Variants in KANK1 observed in about 807,000 individuals in gnomAD.
The protein encoded by KANK1 is KN motif and ankyrin repeat domain-containing protein 1.
In KANK1, 109 loss-of-function variants were observed where a neutral mutation model predicts 106.2. The ratio of observed to expected loss-of-function variants is 1.03; its 90% CI spans 0.88 to 1.20. The LOEUF is 1.20. KANK1 is among the 50% of genes most tolerant of loss of function. The pLI, the probability that KANK1 is intolerant of heterozygous loss-of-function variation, is 0.00. For synonymous variants in KANK1, 873 were observed against 652.2 expected (o/e 1.34, Z -5.16); for missense variants, 2,399 against 1,710.7 (o/e 1.40, Z -7.10).
intron 1 of KANK1, among the ~76,000 whole-genome samples, chr9:594,013 A>G (rs16920708): frequency 0.013 from 2,032 of 151,916 alleles, 105 homozygotes; most frequent in African/African-American, 0.046. Flanking sequence ...TGGTTTTAGA[A>G]AGCATGCAGC....
chr9:494,994 A>G (rs1473749344), intron 3 of KANK1, among the ~76,000 whole-genome samples: 1 of 152,238 alleles, frequency 6.6e-6, no homozygotes, highest in African/African-American at 2.4e-5. Context: ...GTGAGCAAAT[A>G]CAAGGCTAAC....
At chr9:647,990 G>T (rs1372118196) in intron 1 of KANK1, among the ~76,000 whole-genome samples, 1 of 142,196 alleles carries the variant, frequency 7.0e-6, no homozygotes, top group Non-Finnish European at 1.5e-5. Flanking sequence ...CATTTCTGGG[G>T]GTTGTTATCT....
At chr9:729,476 G>T (rs1222043748) in intron 3 of KANK1, among the ~76,000 whole-genome samples, 3 of 152,220 alleles carry the variant, frequency 2.0e-5, no homozygotes, top group Non-Finnish European at 4.4e-5. Context: ...GAGGCATGCT[G>T]CCAGGAAACA....
chr9:658,665 C>T (rs561551219), intron 1 of KANK1, among the ~76,000 whole-genome samples: 4 of 151,930 alleles, frequency 2.6e-5, no homozygotes, highest in South Asian at 2.1e-4. Context: ...ATAAGACAGA[C>T]GGTTAAGAAG....
At chr9:556,841 G>C (rs888650363) in intron 1 of KANK1, among the ~76,000 whole-genome samples, 1 of 151,990 alleles carries the variant, frequency 6.6e-6, no homozygotes, top group East Asian at 1.9e-4. Flanking sequence ...ACTCACTTAG[G>C]GCTCATTCCT....
At chr9:608,028 A>ATTTTTTTTTTTTTTTTTT (rs1326986665) in intron 1 of KANK1, among the ~76,000 whole-genome samples, 1 of 84,386 alleles carries the variant, frequency 1.2e-5, no homozygotes, top group African/African-American at 4.7e-5. Flanking sequence ...TATTATTATT[A>ATTTTTTTTTTTTTTTTTT]TTATTATTTT....
At position 738,268 on chromosome 9, in the gene KANK1, A is replaced by T; in HGVS notation, c.3334-17A>T. 1 of 1,602,506 alleles carries T rather than the reference A, an allele frequency of 6.2e-7. No individual in the cohort carries two copies. The highest frequency in any genetic ancestry group is 1.1e-5 in the South Asian group (1 of 89,370). On this transcript the variant is annotated splice_polypyrimidine_tract_variant and intron_variant, in intron 7 of 11. Transcript: ENST00000382297. ...TCTATAAATAGAAGAACTAACGACC[A>T]CTTGGTGTTTTGGCAGAGGTTCTGT...
At chr9:664,787 C>T (rs1016847598) in intron 1 of KANK1, among the ~76,000 whole-genome samples, 12 of 152,178 alleles carry the variant, frequency 7.9e-5, no homozygotes, top group Non-Finnish European at 1.6e-4. Flanking sequence ...TTTACATTCC[C>T]ACCAACAATG....
chr9:558,163 T>C (rs765868484), intron 1 of KANK1, among the ~76,000 whole-genome samples: 2 of 152,070 alleles, frequency 1.3e-5, no homozygotes, highest in Non-Finnish European at 2.9e-5. Flanking sequence ...GGAAGGGCAT[T>C]AAGGAGGAGC....
chr9:631,695 G>A (rs547339351), intron 1 of KANK1, among the ~76,000 whole-genome samples: 1 of 152,150 alleles, frequency 6.6e-6, no homozygotes, highest in African/African-American at 2.4e-5. Context: ...CAACTGTTTA[G>A]CTTGGCATGC....
At position 740,901 on chromosome 9, in the gene KANK1, C is replaced by G. The variant is rs2296049; in HGVS notation, c.3663C>G (p.Phe1221Leu). 2 of 1,613,912 alleles carry G rather than the reference C, an allele frequency of 1.2e-6. No individual in the cohort carries two copies. Among genetic ancestry groups the G allele is most frequent in the Non-Finnish European group, 1.7e-6 (2 of 1,179,988 alleles). ...ACATGCGGATTGTGGAAGAACTCTT[C>G]GGCTGTGGGGATGTGAATGCCAAAG... ...EKDMRIVEEL[F>L]GCGDVNAKAS... The change falls in exon 9 of 12, where the codon TTC (phenylalanine) becomes TTG (leucine). Residue 1221 changes from phenylalanine to leucine, a missense_variant. By Grantham distance (22) the Phe-to-Leu change is conservative (BLOSUM62 0). Transcript: ENST00000382297.
chr9:681,458 C>G (rs1221963461), intron 2 of KANK1, among the ~76,000 whole-genome samples: 1 of 152,118 alleles, frequency 6.6e-6, no homozygotes, highest in African/African-American at 2.4e-5. Flanking sequence ...TGATTGATAC[C>G]TCTCTAAACA....
chr9:541,789 C>T (rs1279573187), intron 1 of KANK1, among the ~76,000 whole-genome samples: 7 of 152,010 alleles, frequency 4.6e-5, no homozygotes, highest in East Asian at 1.9e-4. Context: ...AATAAATAAC[C>T]GGATTAAAAA....
chr9:683,732 G>A (rs1285613554), intron 2 of KANK1, among the ~76,000 whole-genome samples: 2 of 152,056 alleles, frequency 1.3e-5, no homozygotes, highest in African/African-American at 4.8e-5. Context: ...TCTTAGTATG[G>A]ATTATTTCAA....
intron 1 of KANK1, among the ~76,000 whole-genome samples, chr9:570,307 G>A (rs997078805): frequency 6.6e-6 from 1 of 152,162 alleles, no homozygotes; most frequent in Non-Finnish European, 1.5e-5. Context: ...AGTAAGCCCC[G>A]AATAGAAAGC....
chr9:565,982 C>G (rs1158602603), intron 1 of KANK1, among the ~76,000 whole-genome samples: 1 of 152,150 alleles, frequency 6.6e-6, no homozygotes, highest in African/African-American at 2.4e-5. Context: ...GTTAATAATA[C>G]ATAGTTATTT....
intron 1 of KANK1, among the ~76,000 whole-genome samples, chr9:563,860 C>T (rs538207987): frequency 6.6e-6 from 1 of 152,020 alleles, no homozygotes; most frequent in Non-Finnish European, 1.5e-5. Flanking sequence ...AATACCTAGA[C>T]TAGCACAGGG....
chr9:564,023 G>A (rs964164719), intron 1 of KANK1, among the ~76,000 whole-genome samples: 11 of 151,170 alleles, frequency 7.3e-5, no homozygotes, highest in Non-Finnish European at 1.3e-4. Context: ...TTAACTTCTC[G>A]CGTCTGTCTC....
At position 677,648 on chromosome 9, in the gene KANK1, C is replaced by G. The variant is rs1029840732; in HGVS notation, c.37+639C>G. 2.0e-5 allele frequency: 3 copies of G among 152,316 alleles called. No homozygotes were observed. In the South Asian group the frequency reaches 6.2e-4, roughly 32 times the overall value. The allele number at this position is 152,316 out of a possible 1,614,324, so 9.4% of individuals were successfully genotyped here. A position where few individuals can be genotyped will look rare whatever the true frequency, so the allele number is the denominator to read the frequency against. ...AGAGACACATCACCATAGGGACAAC[C>G]TGCCCAAAATGGCGTGCCAAGTGTT... On this transcript the variant is annotated intron_variant, in intron 2 of 11. Coordinates refer to ENST00000382297, the MANE Select transcript of KANK1 (RefSeq NM_015158.5).
Sources: gnomAD v4.1 joint callset for allele counts (sites outside exome capture counted in the v4.1 genomes callset) on GRCh38, gnomAD v4.1.1 for gene constraint, MANE v1.5 for transcripts, NCBI Gene and HGNC (gene_info 2026-07-23, HGNC 2026-07-21) for gene names.